The following DNMT3B variants were observed in gnomAD, a reference collection of about 807,000 sequenced individuals.
DNMT3B encodes DNA (cytosine-5)-methyltransferase 3B.
In DNMT3B, 37 loss-of-function variants were observed where a neutral mutation model predicts 120.2. The ratio of observed to expected loss-of-function variants is 0.31; its 90% CI spans 0.24 to 0.40. The LOEUF is 0.40. Ranked by LOEUF, DNMT3B falls within the 10% of genes least tolerant of loss-of-function variation. The pLI is 1.00. For synonymous variants in DNMT3B, 412 were observed against 442.8 expected, an observed-to-expected ratio of 0.93 and a Z score of 0.87; for missense variants, 878 against 1,137.3, an observed-to-expected ratio of 0.77 and a Z score of 3.28.
chr20:32,784,257 TGGTGACCTCA>T (rs1251668747), intron 3 of DNMT3B, among the ~76,000 whole-genome samples: 2 of 152,230 alleles, frequency 1.3e-5, no homozygotes, highest in East Asian at 1.9e-4. Context: ...CAGGCTGGTC[TGGTGACCTCA>T]GGTGACCTCA....
intron 1 of DNMT3B, among the ~76,000 whole-genome samples, chr20:32,768,846 T>C (rs1436861295): frequency 6.6e-6 from 1 of 152,136 alleles, no homozygotes; most frequent in African/African-American, 2.4e-5. Context: ...TTTGGCACCA[T>C]GGGTAAGGAA....
intron 16 of DNMT3B, 144 bp downstream of exon 16, chr20:32,799,472 TG>T (rs1397559150): frequency 1.1e-4 from 102 of 891,822 alleles, no homozygotes; most frequent in Middle Eastern, 4.9e-4. Flanking sequence ...CCTGTCTCCT[TG>T]TTTCTCTCCA....
At chr20:32,800,785 CTCTT>C (rs767490054) in intron 17 of DNMT3B, 46 bp from the exon 18 acceptor site, 16 of 1,596,152 alleles carry the variant, frequency 1.0e-5, no homozygotes, top group Non-Finnish European at 1.3e-5. Context: ...GGGTCCAGCT[CTCTT>C]TCCCTCTGTC....
At chr20:32,779,106 A>T (rs1988233061) in intron 1 of DNMT3B, among the ~76,000 whole-genome samples, 1 of 152,200 alleles carries the variant, frequency 6.6e-6, no homozygotes, top group Non-Finnish European at 1.5e-5. Context: ...AGCTTTTCCC[A>T]GGCACGGTTC....
intron 1 of DNMT3B, 29 bp from the exon 2 acceptor site, chr20:32,780,289 C>T (rs750715627): frequency 1.2e-6 from 2 of 1,613,824 alleles, no homozygotes; most frequent in Admixed American, 3.3e-5. Flanking sequence ...GCTTCCCTTT[C>T]ACCCCACCCA....
chr20:32,803,434 G>A (rs139198785), intron 20 of DNMT3B, among the ~76,000 whole-genome samples: 11 of 152,320 alleles, frequency 7.2e-5, no homozygotes, highest in East Asian at 1.9e-4. Context: ...CACCTTGCCC[G>A]TGTACTTGGC....
rs374520428 is a variant in DNMT3B at position 32,798,561 on chromosome 20, G to A, written c.1592G>A (p.Arg531His). ...AGCTGTTACATGTGTCTCCCGCAGC[G>A]CTGTCATGGCGTCCTGCGGCGCCGG... is the stretch of plus-strand genomic sequence containing the variant. ...PWSCYMCLPQ[R>H]CHGVLRRRKD... Residue 531 changes from arginine (R) to histidine (H), a missense_variant, in exon 15 of 23, where the codon CGC (arginine) becomes CAC (histidine). Arg to His is a conservative substitution (Grantham distance 29). This residue lies in a region of DNMT3B where 334 missense variants were observed against 518.8 expected (regional missense o/e 0.64). Transcript: ENST00000328111. 104 of 1,614,094 alleles carry A rather than the reference G, an allele frequency of 6.4e-5. No homozygotes were observed. Among genetic ancestry groups the A allele is most frequent in the African/African-American group, 1.7e-4 (13 of 74,954 alleles).
At position 32,775,944 on chromosome 20, in the gene DNMT3B, G is replaced by A. The variant is rs539911737; in HGVS notation, c.-6-4374G>A. On this transcript the variant is annotated intron_variant, in intron 1 of 22. Coordinates refer to ENST00000328111, the MANE Select transcript of DNMT3B (RefSeq NM_006892.4). ...GCCCCAGGATGGGGTGGGGGTTAAAGGAGGTGGCAGACAGGCTGGGTGCAG... is the reference window on the plus strand; with the variant it reads ...GCCCCAGGATGGGGTGGGGGTTAAAAGAGGTGGCAGACAGGCTGGGTGCAG... 2.0e-5 allele frequency among the ~76,000 whole-genome samples: 3 copies of A among 152,334 alleles called. No individual in the cohort carries two copies. In the East Asian group the frequency reaches 5.8e-4, roughly 30 times the overall value.
Position 32,806,241 on chromosome 20 carries a change from G to A in DNMT3B, c.2334G>A (p.Ser778=), listed in dbSNP as rs531545763. The change falls in exon 22 of 23, where the codon TCG becomes TCA. Residue 778 remains serine (S), a synonymous_variant. Coordinates refer to ENST00000328111, the MANE Select transcript of DNMT3B (RefSeq NM_006892.4). ...AAGTACAGACAATAACCACCAAGTC[G>A]AACTCGATCAAACAGGGGAAAAACC... ...LKKVQTITTK[S]NSIKQGKNQL... The A allele has an allele frequency of 1.6e-5, 26 of 1,614,160 alleles. No individual in the cohort carries two copies. The highest frequency in any genetic ancestry group is 3.3e-5 in the South Asian group (3 of 91,082).
chr20:32,799,339 G>C lies in DNMT3B; in HGVS notation c.1759+11G>C, dbSNP rs376600554. Reference sequence around the variant, plus strand: ...ATGGCATCGCGACAGGTGAGTTCGGGGAACACCTGGAGACACTGCTATCGT... The same window carrying C: ...ATGGCATCGCGACAGGTGAGTTCGGCGAACACCTGGAGACACTGCTATCGT... On this transcript the variant is annotated intron_variant, in intron 16 of 22. Transcript: ENST00000328111. 9.9e-6 allele frequency: 16 copies of C among 1,609,576 alleles called. No individual in the cohort carries two copies. The highest frequency in any genetic ancestry group is 1.3e-5 in the African/African-American group (1 of 74,844).
chr20:32,786,515 A>G lies in DNMT3B; in HGVS notation c.320A>G (p.Asn107Ser), dbSNP rs532377032. 9.3e-6 allele frequency: 15 copies of G among 1,613,962 alleles called. No individual in the cohort carries two copies. The highest frequency in any genetic ancestry group is 1.3e-5 in the Non-Finnish European group (15 of 1,180,052). ...TCTTGCTTCTAGGTCCGAACTCGAA[A>G]TAACAACAGTGTCTCCAGCCGGGAG... ...RSESPAVRTR[N>S]NNSVSSRERH... Residue 107 changes from asparagine (N) to serine (S), a missense_variant, in exon 5 of 23, where the codon AAT becomes AGT. This residue lies in a region of DNMT3B where 287 missense variants were observed against 306.2 expected (regional missense o/e 0.94). Transcript: ENST00000328111.
At chr20:32,804,430 G>C (rs543244948) in intron 20 of DNMT3B, among the ~76,000 whole-genome samples, 1 of 152,272 alleles carries the variant, frequency 6.6e-6, no homozygotes, top group East Asian at 1.9e-4. Flanking sequence ...TCAGTCTAGG[G>C]GAAATATGTG....
intron 9 of DNMT3B, among the ~76,000 whole-genome samples, chr20:32,793,132 C>G (rs560095021): frequency 5.7e-4 from 87 of 151,688 alleles, no homozygotes; most frequent in African/African-American, 2.0e-3. Context: ...AACATTTTGA[C>G]CAGTACCATA....
chr20:32,801,065 T>A (rs1981278043), intron 18 of DNMT3B, 140 bp downstream of exon 18: 1 of 1,243,286 alleles, frequency 8.0e-7, no homozygotes, highest in African/African-American at 1.5e-5. Context: ...CTGCCTACGC[T>A]CCATAGTAAA....
intron 1 of DNMT3B, among the ~76,000 whole-genome samples, chr20:32,778,328 T>C (rs1490865227): frequency 6.7e-6 from 1 of 149,968 alleles, no homozygotes; most frequent in Non-Finnish European, 1.5e-5. Flanking sequence ...GTCGCACCAC[T>C]GCACTGCAGC....
At position 32,780,457 on chromosome 20, in the gene DNMT3B, A is replaced by C. The variant is rs755951894; in HGVS notation, c.134A>C (p.Glu45Ala). The C allele has an allele frequency of 1.2e-6, 2 of 1,612,782 alleles. No homozygotes were observed. The highest frequency in any genetic ancestry group is 1.7e-6 in the Non-Finnish European group (2 of 1,179,964). The change falls in exon 2 of 23, where the codon GAG (glutamate) becomes GCG (alanine). Residue 45 changes from glutamate (E) to alanine (A), a missense_variant. Glu to Ala is a moderately radical substitution (Grantham distance 107). Transcript: ENST00000328111. ...ATCCTGGAGGCTATCCGCACCCCGG[A>C]GATCAGAGGTGGCTGGGCAGTGGGG... ...PPILEAIRTP[E>A]IRGRRSSSRL...
chr20:32,786,788 G>A (rs923837519), intron 5 of DNMT3B, among the ~76,000 whole-genome samples, 161 bp downstream of exon 5: 3 of 152,136 alleles, frequency 2.0e-5, no homozygotes, highest in Non-Finnish European at 2.9e-5. Flanking sequence ...TAAGCTTCCC[G>A]TAAGCCTGTT....
Position 32,808,826 on chromosome 20 carries a change from A to C in DNMT3B, c.*923A>C, listed in dbSNP as rs1052483504. On this transcript the variant is annotated 3_prime_UTR_variant, in exon 23 of 23. Transcript: ENST00000328111. The stretch of plus-strand genomic sequence containing the variant: ...CCTCTCCAGGAGACCTACCCTCCAC[A>C]GGCACAGGTCCCCAGATGAGAAGTC... 4.4e-6 allele frequency: 1 copy of C among 227,634 alleles called. No homozygotes were observed. The highest frequency in any genetic ancestry group is 6.3e-5 in the East Asian group (1 of 15,892). The allele number at this position is 227,634 out of a possible 1,614,324, so 14.1% of individuals were successfully genotyped here.
At chr20:32,780,214 T>A in intron 1 of DNMT3B, 104 bp from the exon 2 acceptor site, 12 of 1,613,048 alleles carry the variant, frequency 7.4e-6, no homozygotes, top group Non-Finnish European at 9.3e-6. Context: ...TAAGAATGCA[T>A]CCTGGGGCCT....
Sources: gnomAD v4.1 joint callset for allele counts (sites outside exome capture counted in the v4.1 genomes callset) on GRCh38, gnomAD v4.1.1 for gene constraint, gnomAD v4.1.1 regional missense constraint, MANE v1.5 for transcripts, NCBI Gene and HGNC (gene_info 2026-07-23, HGNC 2026-07-21) for gene names.